The following PACRG variants were observed in gnomAD, a reference collection of about 807,000 sequenced individuals.
PACRG encodes the protein parkin coregulated gene protein.
In PACRG, 29 loss-of-function variants were observed where a neutral mutation model predicts 29.7. That is an observed-to-expected ratio of 0.98 (90% CI 0.73 to 1.33). The LOEUF (loss-of-function observed/expected upper bound fraction) is 1.33. PACRG is among the 40% of genes most tolerant of loss of function. The probability of loss-of-function intolerance (pLI) is 0.00; values close to 1 mark genes in which losing one functional copy is unlikely to be tolerated. For missense variants in PACRG, 279 were observed against 316.2 expected, an observed-to-expected ratio of 0.88 and a Z score of 0.89; for synonymous variants, 116 against 118.7, an observed-to-expected ratio of 0.98 and a Z score of 0.15.
intron 2 of PACRG, among the ~76,000 whole-genome samples, chr6:162,981,209 C>T (rs527491994): frequency 1.8e-4 from 27 of 151,404 alleles, no homozygotes; most frequent in Middle Eastern, 3.5e-3. Flanking sequence ...CTGCAAATGC[C>T]GTTATTTCAT....
chr6:163,204,772 T>A (rs1043113919), intron 4 of PACRG, among the ~76,000 whole-genome samples: 2 of 152,046 alleles, frequency 1.3e-5, no homozygotes, highest in Non-Finnish European at 2.9e-5. Flanking sequence ...AGAGAGGAAG[T>A]CAAACTATCC....
At chr6:162,808,763 T>C (rs1786579216) in intron 1 of PACRG, among the ~76,000 whole-genome samples, 2 of 152,216 alleles carry the variant, frequency 1.3e-5, no homozygotes, top group Admixed American at 1.3e-4. Context: ...CAAACCCTAA[T>C]TGCATTTTCC....
At chr6:163,137,164 G>GA (rs1208836331) in intron 4 of PACRG, among the ~76,000 whole-genome samples, 2 of 152,184 alleles carry the variant, frequency 1.3e-5, no homozygotes, top group Non-Finnish European at 2.9e-5. Flanking sequence ...GTCCATGTCT[G>GA]AAATCACAGT....
chr6:163,197,442 T>TCTTTTCTTTTC (rs1562959288), intron 4 of PACRG, among the ~76,000 whole-genome samples: 5 of 133,996 alleles, frequency 3.7e-5, no homozygotes, highest in African/African-American at 1.5e-4. Flanking sequence ...TTCTTTTTTT[T>TCTTTTCTTTTC]TTTTTTTTTT....
intron 4 of PACRG, among the ~76,000 whole-genome samples, chr6:163,240,080 C>CCA (rs995368001): frequency 4.4e-5 from 6 of 137,532 alleles, no homozygotes; most frequent in African/African-American, 1.6e-4. Flanking sequence ...CTCCACCCCC[C>CCA]CACACACACT....
intron 4 of PACRG, chr6:163,166,379 C>G (rs1778813832): frequency 2.9e-6 from 1 of 343,822 alleles, no homozygotes; most frequent in Admixed American, 4.0e-5. Flanking sequence ...CTTACTGTGC[C>G]AAGTTATTAA....
At chr6:162,904,220 C>T (rs1014987973) in intron 2 of PACRG, among the ~76,000 whole-genome samples, 1 of 152,236 alleles carries the variant, frequency 6.6e-6, no homozygotes, top group East Asian at 1.9e-4. Context: ...GTGTTAATGA[C>T]ATCTACAGAA....
intron 2 of PACRG, among the ~76,000 whole-genome samples, chr6:162,977,684 C>T (rs1042582141): frequency 1.3e-5 from 2 of 152,024 alleles, no homozygotes; most frequent in Non-Finnish European, 1.5e-5. Context: ...GAGTACAGCA[C>T]AATGGGGATA....
chr6:162,943,299 C>A (rs1411277542), intron 2 of PACRG, among the ~76,000 whole-genome samples: 2 of 152,306 alleles, frequency 1.3e-5, no homozygotes, highest in South Asian at 2.1e-4. Context: ...CATTGATATC[C>A]CCCATCCATA....
intron 3 of PACRG, among the ~76,000 whole-genome samples, chr6:163,088,929 T>C (rs1188989568): frequency 3.3e-5 from 5 of 152,204 alleles, no homozygotes; most frequent in Non-Finnish European, 7.3e-5. Flanking sequence ...TGGGTTCCTT[T>C]AACTCCAGCA....
chr6:163,071,103 C>T (rs1812003930), intron 3 of PACRG, among the ~76,000 whole-genome samples: 1 of 152,086 alleles, frequency 6.6e-6, no homozygotes, highest in Non-Finnish European at 1.5e-5. Context: ...TACCTGGAGA[C>T]TTCAACACCC....
intron 4 of PACRG, among the ~76,000 whole-genome samples, chr6:163,113,418 A>G (rs1221898582): frequency 1.3e-5 from 2 of 152,240 alleles, no homozygotes; most frequent in African/African-American, 4.8e-5. Flanking sequence ...AACTCTAAGT[A>G]GGATGAACTC....
chr6:163,245,037 A>C (rs1394326076), intron 4 of PACRG: 2 of 455,586 alleles, frequency 4.4e-6, no homozygotes, highest in East Asian at 1.4e-4. Context: ...CCATCATTGT[A>C]TGTAAAAGTC....
intron 4 of PACRG, among the ~76,000 whole-genome samples, chr6:163,250,291 A>G (rs1401299421): frequency 3.3e-5 from 5 of 152,222 alleles, no homozygotes; most frequent in East Asian, 1.9e-4. Context: ...ACAAAACCAG[A>G]GATATTTTTC....
intron 3 of PACRG, among the ~76,000 whole-genome samples, chr6:163,077,341 C>T (rs771404426): frequency 1.3e-5 from 2 of 152,058 alleles, no homozygotes; most frequent in African/African-American, 2.4e-5. Flanking sequence ...TACAAATAGA[C>T]GGGCCATAAC....
chr6:162,880,152 A>G (rs1016166958), intron 2 of PACRG, among the ~76,000 whole-genome samples: 6 of 152,230 alleles, frequency 3.9e-5, no homozygotes, highest in African/African-American at 1.4e-4. Flanking sequence ...GAAAGGTCTG[A>G]TCTTCTGCCC....
chr6:162,915,968 A>G lies in PACRG; in HGVS notation c.291+101687A>G, dbSNP rs1465587779. ...AAAGCACAGTTTTTACATTACCCAG[A>G]TAGGAATCATTTCTATTGCTTATCC... On this transcript the variant is annotated intron_variant, in intron 2 of 4. Coordinates refer to ENST00000366888, the MANE Select transcript of PACRG (RefSeq NM_001080379.2). Among the ~76,000 whole-genome samples, 6 of 152,246 alleles carry G rather than the reference A, an allele frequency of 3.9e-5. 1 individual carries two copies. Among genetic ancestry groups the G allele is most frequent in the Middle Eastern group, 3.4e-3 (1 of 294 alleles).
chr6:163,247,943 A>G (rs1442492503), intron 4 of PACRG, among the ~76,000 whole-genome samples: 1 of 152,224 alleles, frequency 6.6e-6, no homozygotes, highest in African/African-American at 2.4e-5. Context: ...CTTCTGTAAC[A>G]TTGGCACGGT....
intron 1 of PACRG, among the ~76,000 whole-genome samples, chr6:162,740,605 CTT>C (rs58613523): frequency 9.1e-4 from 122 of 134,642 alleles, no homozygotes; most frequent in African/African-American, 1.8e-3. Flanking sequence ...GCATGAGCCA[CTT>C]TTTTTTTTTT....
Sources: allele counts gnomAD v4.1 joint callset (sites outside exome capture counted in the v4.1 genomes callset), GRCh38; gene constraint gnomAD v4.1.1; transcripts MANE v1.5; gene names NCBI Gene and HGNC (gene_info 2026-07-23, HGNC 2026-07-21).